Variants in HTR3B observed in about 807,000 individuals in gnomAD.
HTR3B encodes the protein 5-hydroxytryptamine receptor 3B.
HTR3B carries 44 observed loss-of-function variants against 42.8 expected under a neutral mutation model. That is an observed-to-expected ratio of 1.03 (90% CI 0.81 to 1.32). HTR3B has a LOEUF of 1.32. HTR3B is among the 40% of genes most tolerant of loss of function. The pLI is 0.00. For missense variants in HTR3B, 527 were observed against 536.5 expected (o/e 0.98, Z 0.17); for synonymous variants, 203 against 209.0 (o/e 0.97, Z 0.25).
At chr11:113,899,232 G>A in the HTR3B span, among the ~76,000 whole-genome samples, 1 of 152,268 alleles carries the variant, frequency 6.6e-6, no homozygotes, top group African/African-American at 2.4e-5. Flanking sequence ...CGTAAAATGT[G>A]CATTATTATT....
At chr11:113,916,130 C>T (rs1438530581) in intron 2 of HTR3B, among the ~76,000 whole-genome samples, 2 of 152,236 alleles carry the variant, frequency 1.3e-5, no homozygotes, top group African/African-American at 2.4e-5. Flanking sequence ...AGCCACCGTG[C>T]CCGGCCCAAT....
intron 2 of HTR3B, among the ~76,000 whole-genome samples, chr11:113,919,868 A>AC: frequency 6.6e-6 from 1 of 151,606 alleles, no homozygotes; most frequent in African/African-American, 2.4e-5. Context: ...AACAACAACA[A>AC]AAAGAGTACA....
upstream of HTR3B, among the ~76,000 whole-genome samples, chr11:113,901,981 A>G (rs994091875): frequency 3.0e-4 from 45 of 152,206 alleles, no homozygotes; most frequent in Admixed American, 2.9e-3. Context: ...TCCCATAAGT[A>G]GAAGCTGACA....
chr11:113,946,091 A>G lies in HTR3B; in HGVS notation c.1280A>G (p.Tyr427Cys). The G allele has an allele frequency of 6.2e-7, 1 of 1,614,060 alleles. No individual in the cohort carries two copies. The highest frequency in any genetic ancestry group is 8.5e-7 in the Non-Finnish European group (1 of 1,180,000). Residue 427 changes from tyrosine to cysteine, a missense_variant, in exon 9 of 9, where the codon TAC (tyrosine) becomes TGC (cysteine). Tyr to Cys is a radical substitution (Grantham distance 194). Transcript: ENST00000260191. ...FQSYLFMLGIYTITLCSLWAL... is the reference protein window; with the variant it reads ...FQSYLFMLGICTITLCSLWAL... ...AGCTACCTTTTCATGCTGGGGATCTACACCATCACTCTGTGCTCCCTCTGG... is the reference window on the plus strand; with the variant it reads ...AGCTACCTTTTCATGCTGGGGATCTGCACCATCACTCTGTGCTCCCTCTGG...
chr11:113,900,713 G>A (rs565359475), upstream of HTR3B, among the ~76,000 whole-genome samples: 2 of 152,002 alleles, frequency 1.3e-5, no homozygotes, highest in Admixed American at 6.5e-5. Flanking sequence ...GGCTGGTCTC[G>A]AACTCCTGAC....
chr11:113,932,895 T>C, intron 5 of HTR3B, 41 bp from the exon 6 acceptor site: 1 of 1,598,690 alleles, frequency 6.3e-7, no homozygotes, highest in Non-Finnish European at 8.5e-7. Flanking sequence ...TGTTGGCATC[T>C]CTTTCTCTCT....
In HTR3B at chr11:113,913,350, A is replaced by ATTTTTTTTTTTTTTTTTTTTT. The variant is rs71063533; in HGVS notation, c.213+3907_213+3927dup. 3.6e-4 allele frequency among the ~76,000 whole-genome samples: 22 copies of ATTTTTTTTTTTTTTTTTTTTT among 61,522 alleles called. 1 individual carries two copies. The highest frequency in any genetic ancestry group is 8.6e-4 in the African/African-American group (12 of 13,944). The allele number at this position is 61,522 out of a possible 152,430, so 40.4% of individuals were successfully genotyped here. On this transcript the variant is annotated intron_variant, in intron 2 of 8. Transcript: ENST00000260191. The stretch of plus-strand genomic sequence containing the variant: ...AGGTGCCTGCCACCATGTCTGGCTA[A>ATTTTTTTTTTTTTTTTTTTTT]TTTTTTTTTTTTTTTTTTTTTTTTT...
rs76729224 is a variant in HTR3B at position 113,924,689 on chromosome 11, C to A, written c.214-6695C>A. Among the ~76,000 whole-genome samples, 59 of 146,414 alleles carry A rather than the reference C, an allele frequency of 4.0e-4. No individual in the cohort carries two copies. The East Asian group carries it at 0.012, about 30-fold the overall frequency. ...ACCTAATCTCGAGCTCTCATTAGAG[C>A]TTTTTTTTCAGCTACCAGGACTCCC... On this transcript the variant is annotated intron_variant, in intron 2 of 8. Coordinates refer to ENST00000260191, the MANE Select transcript of HTR3B (RefSeq NM_006028.5).
chr11:113,923,716 CAG>C (rs1296698641), intron 2 of HTR3B, among the ~76,000 whole-genome samples: 6 of 152,024 alleles, frequency 3.9e-5, no homozygotes, highest in African/African-American at 1.4e-4. Flanking sequence ...AGAAAAAAAA[CAG>C]GGCGAGATAC....
At position 113,931,838 on chromosome 11, in the gene HTR3B, C is replaced by T. The variant is rs1414085118; in HGVS notation, c.339C>T (p.Ile113=). ...AGATCTCCCTACCTCTAAGTGCCAT[C>T]TGGGCCCCCGATATCATCATCAATG... ...IREISLPLSA[I]WAPDIIINEF... The change falls in exon 4 of 9, where the codon ATC becomes ATT. Residue 113 remains isoleucine, a synonymous_variant. Transcript: ENST00000260191. 1.2e-6 allele frequency: 2 copies of T among 1,603,548 alleles called. No homozygotes were observed. Among genetic ancestry groups the T allele is most frequent in the East Asian group, 2.2e-5 (1 of 44,828 alleles).
upstream of HTR3B, among the ~76,000 whole-genome samples, chr11:113,900,806 G>A (rs1949692510): frequency 6.6e-6 from 1 of 152,090 alleles, no homozygotes; most frequent in African/African-American, 2.4e-5. Flanking sequence ...GGAGACCTCA[G>A]GAAACTTACA....
chr11:113,947,992 C>G lies in HTR3B; in HGVS notation c.*1855C>G, dbSNP rs1260828123. On this transcript the variant is annotated 3_prime_UTR_variant, in exon 9 of 9. Transcript: ENST00000260191. ...AAAAATCTGCCCCCCTCCATCCCCC[C>G]AAAGAAAAAGAATTTAAATTCAAAC... Among the ~76,000 whole-genome samples the G allele has an allele frequency of 6.6e-6, 1 of 152,106 alleles. No individual in the cohort carries two copies.
intron 2 of HTR3B, among the ~76,000 whole-genome samples, chr11:113,920,648 A>G (rs1454326368): frequency 6.6e-6 from 1 of 152,172 alleles, no homozygotes; most frequent in Non-Finnish European, 1.5e-5. Flanking sequence ...TGCTGGGATT[A>G]CAGGCATGAG....
intron 2 of HTR3B, among the ~76,000 whole-genome samples, chr11:113,918,080 T>C (rs72997464): frequency 0.043 from 6,586 of 152,252 alleles, 198 homozygotes; most frequent in Non-Finnish European, 0.073. Flanking sequence ...TTGAAGTCAT[T>C]TCTTATAACA....
intron 6 of HTR3B, among the ~76,000 whole-genome samples, chr11:113,935,875 T>G (rs1950087544): frequency 1.3e-5 from 2 of 152,156 alleles, no homozygotes; most frequent in South Asian, 4.1e-4. Flanking sequence ...ATCCTTGCCC[T>G]TGGCCTGAGG....
At position 113,904,976 on chromosome 11, in the gene HTR3B, G is replaced by A. The variant is rs935284947; in HGVS notation, c.43G>A (p.Val15Met). Reference protein sequence around the residue: ...VMAPLWACILVAAGILATDTH... With the variant: ...VMAPLWACILMAAGILATDTH... ...GGCTCCCCTGTGGGCCTGCATCCTGGTGGCTGCAGGTGAGTCCTTTTAATA... is the reference window on the plus strand; with the variant it reads ...GGCTCCCCTGTGGGCCTGCATCCTGATGGCTGCAGGTGAGTCCTTTTAATA... The change falls in exon 1 of 9, where the codon GTG becomes ATG. Residue 15 changes from valine to methionine, a missense_variant. Transcript: ENST00000260191. The A allele has an allele frequency of 6.2e-7, 1 of 1,609,068 alleles. No individual in the cohort carries two copies. Among genetic ancestry groups the A allele is most frequent in the Non-Finnish European group, 8.5e-7 (1 of 1,175,512 alleles).
At chr11:113,907,444 A>C (rs972510563) in intron 1 of HTR3B, among the ~76,000 whole-genome samples, 2 of 152,218 alleles carry the variant, frequency 1.3e-5, no homozygotes, top group African/African-American at 2.4e-5. Flanking sequence ...TTCATAGTAG[A>C]AATGTAATTT....
chr11:113,943,917 A>T (rs1950156385), intron 7 of HTR3B, among the ~76,000 whole-genome samples: 1 of 151,838 alleles, frequency 6.6e-6, no homozygotes, highest in Non-Finnish European at 1.5e-5. Context: ...AGCAAGCCAG[A>T]TGCAGTGGCT....
At chr11:113,942,113 T>C (rs1209677770) in intron 6 of HTR3B, among the ~76,000 whole-genome samples, 1 of 152,058 alleles carries the variant, frequency 6.6e-6, no homozygotes, top group Non-Finnish European at 1.5e-5. Flanking sequence ...CTCACACCTG[T>C]AATCCCAGCA....
Sources: allele counts gnomAD v4.1 joint callset (sites outside exome capture counted in the v4.1 genomes callset), GRCh38; gene constraint gnomAD v4.1.1; transcripts MANE v1.5; gene names NCBI Gene and HGNC (gene_info 2026-07-23, HGNC 2026-07-21).